MYT1L: variants seen among roughly 807,000 people sequenced by gnomAD.
MYT1L encodes myelin transcription factor 1 like.
A neutral mutation model predicts 126.7 loss-of-function variants in MYT1L; 12 were observed. The ratio of observed to expected loss-of-function variants is 0.09; its 90% CI spans 0.06 to 0.15. The LOEUF is 0.15. Among genes scored for constraint, MYT1L ranks in the 10% least tolerant of loss-of-function variants. The pLI is 1.00. For missense variants in MYT1L, 979 were observed against 1,585.2 expected (o/e 0.62, Z 6.49); for synonymous variants, 541 against 604.2 (o/e 0.90, Z 1.53).
At chr2:2,161,923 C>A (rs2088013507) in intron 3 of MYT1L, among the ~76,000 whole-genome samples, 2 of 152,142 alleles carry the variant, frequency 1.3e-5, no homozygotes, top group Non-Finnish European at 2.9e-5. Flanking sequence ...CGGAAGTGGT[C>A]CGAGAACCGT....
intron 18 of MYT1L, among the ~76,000 whole-genome samples, chr2:1,855,173 A>G (rs1344017025): frequency 6.6e-6 from 1 of 152,244 alleles, no homozygotes; most frequent in Non-Finnish European, 1.5e-5. Context: ...TTAAAAAAAT[A>G]CAATGTTCTG....
intron 5 of MYT1L, among the ~76,000 whole-genome samples, chr2:1,982,820 G>A (rs551361850): frequency 7.9e-4 from 120 of 152,236 alleles, no homozygotes; most frequent in African/African-American, 2.6e-3. Context: ...CCAGCATCTC[G>A]TGAATAAACC....
chr2:2,310,021 G>A (rs554969319), intron 1 of MYT1L, among the ~76,000 whole-genome samples: 1 of 147,826 alleles, frequency 6.8e-6, no homozygotes, highest in South Asian at 2.2e-4. Context: ...TATACTCTAT[G>A]TATACTTCAC....
intron 3 of MYT1L, among the ~76,000 whole-genome samples, chr2:2,085,201 C>A (rs1189452019): frequency 1.3e-5 from 2 of 152,162 alleles, no homozygotes. Flanking sequence ...TGTCTGCATG[C>A]CTCTTGGCTT....
chr2:1,920,023 G>A (rs1245850609), intron 10 of MYT1L, among the ~76,000 whole-genome samples: 1 of 152,178 alleles, frequency 6.6e-6, no homozygotes, highest in Non-Finnish European at 1.5e-5. Context: ...TTGGCTGCAT[G>A]TATTTGGTTC....
chr2:1,922,217 A>G lies in MYT1L; in HGVS notation c.1483+69T>C, dbSNP rs1023585639. 9.6e-6 allele frequency: 15 copies of G among 1,556,936 alleles called. No individual in the cohort carries two copies. In the Middle Eastern group the frequency reaches 5.6e-4, roughly 58 times the overall value. On this transcript the variant is annotated intron_variant, in intron 10 of 24. Coordinates refer to ENST00000647738, the MANE Select transcript of MYT1L (RefSeq NM_001303052.2). The surrounding 1 kb of genome is among the most constrained non-coding windows in gnomAD (Gnocchi z 7.4). ...AGTGTGAGTCACACTTTAACTGTAGACTACCACCAACATCCTTTACCCTAG... is the reference window on the plus strand; with the variant it reads ...AGTGTGAGTCACACTTTAACTGTAGGCTACCACCAACATCCTTTACCCTAG...
chr2:2,067,980 G>A (rs981758055), intron 3 of MYT1L, among the ~76,000 whole-genome samples: 11 of 152,190 alleles, frequency 7.2e-5, no homozygotes, highest in South Asian at 4.1e-4. Flanking sequence ...GTCCCCTGCC[G>A]TTTAATTACA....
rs1237632554 is a variant in MYT1L, at chr2:2,291,746, C to T, written c.-520-7243G>A. Among the ~76,000 whole-genome samples the T allele has an allele frequency of 3.9e-5, 6 of 152,252 alleles. No homozygotes were observed. In the East Asian group the frequency reaches 1.2e-3, roughly 29 times the overall value. On this transcript the variant is annotated intron_variant, in intron 1 of 24. Coordinates refer to ENST00000647738, the MANE Select transcript of MYT1L (RefSeq NM_001303052.2). ...TGCCACGTGCAGGCGCCGAGCCAGC[C>T]TGGCTCCCCGACCCACGCACCCTGT...
intron 8 of MYT1L, among the ~76,000 whole-genome samples, chr2:1,961,258 C>T (rs1429843481): frequency 6.6e-6 from 1 of 152,222 alleles, no homozygotes; most frequent in East Asian, 1.9e-4. Context: ...ACTTCACCAC[C>T]ATGCAATGTA....
At position 1,929,382 on chromosome 2, in the gene MYT1L, C is replaced by T. The variant is rs1343408004; in HGVS notation, c.506-6119G>A. Among the ~76,000 whole-genome samples, 12 of 152,152 alleles carry T rather than the reference C, an allele frequency of 7.9e-5. No individual in the cohort carries two copies. The highest frequency in any genetic ancestry group is 7.2e-4 in the Admixed American group (11 of 15,276). ...CTTCACTAGAAGACCCCTGAGGCGC[C>T]CTCTAACTCAGAGCCCTGCAGTTCA... On this transcript the variant is annotated intron_variant, in intron 9 of 24. Coordinates refer to ENST00000647738, the MANE Select transcript of MYT1L (RefSeq NM_001303052.2). The surrounding 1 kb of genome is among the most constrained non-coding windows in gnomAD (Gnocchi z 4.7).
intron 2 of MYT1L, among the ~76,000 whole-genome samples, chr2:2,281,823 AC>A (rs1479873016): frequency 2.6e-5 from 4 of 152,192 alleles, no homozygotes; most frequent in Non-Finnish European, 4.4e-5. Flanking sequence ...TAATATGCAA[AC>A]CCTTGACACA....
chr2:2,289,419 C>A (rs1416209987), intron 1 of MYT1L, among the ~76,000 whole-genome samples: 1 of 152,112 alleles, frequency 6.6e-6, no homozygotes, highest in African/African-American at 2.4e-5. Flanking sequence ...ATCATTTTTT[C>A]AGGCCTGTCT....
intron 4 of MYT1L, among the ~76,000 whole-genome samples, chr2:2,019,620 TTC>T (rs1456149361): frequency 1.3e-5 from 2 of 152,236 alleles, no homozygotes; most frequent in Non-Finnish European, 2.9e-5. Flanking sequence ...ATCCATGTCA[TTC>T]TCTGCCATGC....
intron 14 of MYT1L, among the ~76,000 whole-genome samples, chr2:1,893,495 T>G (rs72765596): frequency 0.032 from 4,853 of 152,240 alleles, 117 homozygotes; most frequent in Middle Eastern, 0.062. Context: ...AGAGACACTC[T>G]AGCCCGGGTT....
chr2:2,008,762 G>A (rs1349048654), intron 4 of MYT1L, among the ~76,000 whole-genome samples: 1 of 152,068 alleles, frequency 6.6e-6, no homozygotes, highest in Non-Finnish European at 1.5e-5. Context: ...TGTGACCAAG[G>A]TCAAGGAGAT....
intron 2 of MYT1L, among the ~76,000 whole-genome samples, chr2:2,205,803 C>T (rs1292147696): frequency 2.0e-5 from 3 of 152,088 alleles, no homozygotes; most frequent in Non-Finnish European, 2.9e-5. Context: ...CTTCTCTTCA[C>T]ATATGGGTTA....
intron 2 of MYT1L, among the ~76,000 whole-genome samples, chr2:2,200,551 C>G (rs1381517592): frequency 6.6e-6 from 1 of 152,186 alleles, no homozygotes; most frequent in African/African-American, 2.4e-5. Flanking sequence ...ATCTTACTCT[C>G]CTGAACTTAA....
chr2:1,951,340 C>A (rs1255774321), intron 8 of MYT1L, among the ~76,000 whole-genome samples: 2 of 151,780 alleles, frequency 1.3e-5, no homozygotes, highest in Non-Finnish European at 2.9e-5. Context: ...GAAGAAGGGG[C>A]CAGCAGAGGG....
intron 2 of MYT1L, among the ~76,000 whole-genome samples, chr2:2,248,171 TA>T (rs111905870): frequency 0.024 from 3,562 of 149,180 alleles, 117 homozygotes; most frequent in African/African-American, 0.082. Flanking sequence ...CAAATAAATT[TA>T]AAAAAAAAGG....
Sources: gnomAD v4.1 joint callset for allele counts (sites outside exome capture counted in the v4.1 genomes callset) on GRCh38, gnomAD v4.1.1 for gene constraint, Gnocchi (gnomAD v3.1) non-coding constraint, MANE v1.5 for transcripts, NCBI Gene and HGNC (gene_info 2026-07-23, HGNC 2026-07-21) for gene names.